The following ALG2 variants were observed in gnomAD, a reference collection of about 807,000 sequenced individuals.
The protein encoded by ALG2 is alpha-1,3/1,6-mannosyltransferase ALG2.
Under a neutral mutation model 30.5 loss-of-function variants are expected in ALG2, and 32 were observed. The ratio of observed to expected loss-of-function variants is 1.05; its 90% CI spans 0.79 to 1.41. The LOEUF is 1.41. Among genes scored for constraint, ALG2 ranks in the 40% most tolerant of loss-of-function variants. ALG2 has a pLI of 0.00. For missense variants in ALG2, 574 were observed against 526.4 expected (o/e 1.09, Z -0.88); for synonymous variants, 253 against 224.8 (o/e 1.13, Z -1.12).
At chr9:99,220,894 A>G (rs1828785254) in intron 1 of ALG2, 2 of 1,267,348 alleles carry the variant, frequency 1.6e-6, no homozygotes, top group Non-Finnish European at 2.1e-6. Context: ...TACTTTTTAA[A>G]GTCATCTTTT....
intron 1 of ALG2, among the ~76,000 whole-genome samples, chr9:99,220,019 AAT>A (rs1479108583): frequency 1.3e-5 from 2 of 152,254 alleles, no homozygotes; most frequent in African/African-American, 4.8e-5. Context: ...CAAAGTTTAA[AAT>A]GGTTAATATC....
At chr9:99,221,285 G>T in intron 1 of ALG2, 1 of 1,021,026 alleles carries the variant, frequency 9.8e-7, no homozygotes, top group East Asian at 2.7e-5. Flanking sequence ...CTATGACCCA[G>T]TTAAAATGCA....
In ALG2 at chr9:99,217,146, G is replaced by A. The variant is rs562312838; in HGVS notation, c.*788C>T. 2.0e-5 allele frequency: 9 copies of A among 454,096 alleles called. No homozygotes were observed. The highest frequency in any genetic ancestry group is 1.4e-4 in the African/African-American group (7 of 50,134). The allele number at this position is 454,096 out of a possible 1,614,324, so 28.1% of individuals were successfully genotyped here. On this transcript the variant is annotated 3_prime_UTR_variant, in exon 2 of 2. Coordinates refer to ENST00000476832, the MANE Select transcript of ALG2 (RefSeq NM_033087.4). ...AACATTTGTGTCCTATACTTAGTAG[G>A]AGCTTGGTCAAGACAACACAAATAT...
At position 99,218,121 on chromosome 9, in the gene ALG2, T is replaced by C. The variant is rs1246812091; in HGVS notation, c.1064A>G (p.His355Arg). ...CTCACACAGAAACCCTGTGACACTGTGGTCAATGGACTCCAAGGGTCCACC... is the reference window on the plus strand; with the variant it reads ...CTCACACAGAAACCCTGTGACACTGCGGTCAATGGACTCCAAGGGTCCACC... ...NSGGPLESID[H>R]SVTGFLCEPD... Residue 355 changes from histidine to arginine, a missense_variant, in exon 2 of 2, where the codon CAC becomes CGC. His to Arg is a conservative substitution (Grantham distance 29, BLOSUM62 0). Coordinates refer to ENST00000476832, the MANE Select transcript of ALG2 (RefSeq NM_033087.4). The C allele has an allele frequency of 6.2e-7, 1 of 1,611,884 alleles. No homozygotes were observed. The highest frequency in any genetic ancestry group is 1.1e-5 in the South Asian group (1 of 90,980).
intron 1 of ALG2, among the ~76,000 whole-genome samples, chr9:99,220,090 G>C (rs950627336): frequency 2.6e-5 from 4 of 152,232 alleles, no homozygotes; most frequent in Admixed American, 1.3e-4. Context: ...GGAGTAAAGT[G>C]ACACAGCCTC....
At chr9:99,221,452 C>T in intron 1 of ALG2, 95 bp downstream of exon 1, 1 of 1,360,084 alleles carries the variant, frequency 7.4e-7, no homozygotes, top group Non-Finnish European at 1.0e-6. Context: ...CTTTGCGAAC[C>T]GCAGACAGGG....
At position 99,221,911 on chromosome 9, in the gene ALG2, C is replaced by G. The variant is rs769347713; in HGVS notation, c.-17G>C. ...CTCCGCCATGGCCCTGGAGCCGCAA[C>G]TGCACCCCGCACCCTGATGGGGGTC... On this transcript the variant is annotated 5_prime_UTR_variant, in exon 1 of 2. Transcript: ENST00000476832. 3.2e-6 allele frequency: 5 copies of G among 1,575,634 alleles called. No homozygotes were observed. The highest frequency in any genetic ancestry group is 3.4e-6 in the Non-Finnish European group (4 of 1,167,976).
Position 99,217,576 on chromosome 9 carries a change from A to C in ALG2, c.*358T>G. 3 of 462,626 alleles carry C rather than the reference A, an allele frequency of 6.5e-6. No individual in the cohort carries two copies. The highest frequency in any genetic ancestry group is 1.3e-5 in the Non-Finnish European group (3 of 232,538). 28.7% of individuals were successfully genotyped at this position (462,626 alleles called of 1,614,324 possible). ...TATGAAGCCAAATTAATCAACTTTG[A>C]TAATGATACACACTTAAACTATGAA... is the stretch of plus-strand genomic sequence containing the variant. On this transcript the variant is annotated 3_prime_UTR_variant, in exon 2 of 2. Coordinates refer to ENST00000476832, the MANE Select transcript of ALG2 (RefSeq NM_033087.4).
rs1179198137 is a variant in ALG2 at position 99,218,693 on chromosome 9, T to G, written c.492A>C (p.Glu164Asp). Residue 164 changes from glutamate to aspartate, a missense_variant, in exon 2 of 2, where the codon GAA becomes GAC. Coordinates refer to ENST00000476832, the MANE Select transcript of ALG2 (RefSeq NM_033087.4). The stretch of plus-strand genomic sequence containing the variant: ...TGCAGTCTGCCATGCCTGTGGTGTA[T>G]TCCTCTATCCAGTCAATTGGGGCCC... Reference protein sequence around the residue: ...LYRAPIDWIEEYTTGMADCIL... With the variant: ...LYRAPIDWIEDYTTGMADCIL... 4 of 1,614,098 alleles carry G rather than the reference T, an allele frequency of 2.5e-6. No individual in the cohort carries two copies. The highest frequency in any genetic ancestry group is 3.4e-6 in the Non-Finnish European group (4 of 1,180,044).
chr9:99,218,291 G>C lies in ALG2; in HGVS notation c.894C>G (p.Thr298=), dbSNP rs758885892. The change falls in exon 2 of 2, where the codon ACC becomes ACG. Residue 298 remains threonine (T), a synonymous_variant. Coordinates refer to ENST00000476832, the MANE Select transcript of ALG2 (RefSeq NM_033087.4). ...GTTTGTCTGAGAAAGACCTCAAGAA[G>C]GTCACATACTGGCCAAGGTCGGACT... ...VQQSDLGQYV[T]FLRSFSDKQK... is the part of the protein sequence containing the mutation. 7 of 1,614,082 alleles carry C rather than the reference G, an allele frequency of 4.3e-6. No homozygotes were observed. Among genetic ancestry groups the C allele is most frequent in the South Asian group, 2.2e-5 (2 of 91,088 alleles).
chr9:99,220,999 T>C (rs1376257961), intron 1 of ALG2: 2 of 1,352,426 alleles, frequency 1.5e-6, no homozygotes, highest in East Asian at 9.1e-5. Context: ...AGCTTGAACT[T>C]TTCTCCAAAA....
At chr9:99,220,377 C>A (rs534105534) in intron 1 of ALG2, among the ~76,000 whole-genome samples, 2 of 152,248 alleles carry the variant, frequency 1.3e-5, no homozygotes, top group South Asian at 2.1e-4. Flanking sequence ...AATATTGATA[C>A]ATAAGAATGT....
rs193069827 is a variant in ALG2, at chr9:99,218,853, T to C, written c.349-17A>G. On this transcript the variant is annotated splice_polypyrimidine_tract_variant and intron_variant, in intron 1 of 1. Coordinates refer to ENST00000476832, the MANE Select transcript of ALG2 (RefSeq NM_033087.4). ...GGCAGACACCTAGCCAAAGCAAAAA[T>C]CAACAGCGGATAAAGTGGTCAACTC... 3.1e-3 allele frequency: 4,890 copies of C among 1,600,674 alleles called. 13 individuals are homozygous for C. Among genetic ancestry groups the C allele is most frequent in the Non-Finnish European group, 3.3e-3 (3,937 of 1,179,874 alleles).
Position 99,217,788 on chromosome 9 carries a change from A to G in ALG2, c.*146T>C, listed in dbSNP as rs566212682. 25 of 851,634 alleles carry G rather than the reference A, an allele frequency of 2.9e-5. No homozygotes were observed. Among genetic ancestry groups the G allele is most frequent in the African/African-American group, 1.5e-4 (9 of 60,024 alleles). The allele number at this position is 851,634 out of a possible 1,614,324, so 52.8% of individuals were successfully genotyped here. On this transcript the variant is annotated 3_prime_UTR_variant, in exon 2 of 2. Coordinates refer to ENST00000476832, the MANE Select transcript of ALG2 (RefSeq NM_033087.4). ...TGAAAAGTGGACAGGGAGGTGTGGTATATAGGAAAGTGGCTCACATTCAAG... is the reference window on the plus strand; with the variant it reads ...TGAAAAGTGGACAGGGAGGTGTGGTGTATAGGAAAGTGGCTCACATTCAAG...
chr9:99,221,087 G>A lies in ALG2; in HGVS notation c.348+460C>T, dbSNP rs368791638. 1.6e-5 allele frequency: 22 copies of A among 1,360,992 alleles called. No homozygotes were observed. The African/African-American group carries it at 2.5e-4, about 15-fold the overall frequency. The allele number at this position is 1,360,992 out of a possible 1,614,324, so 84.3% of individuals were successfully genotyped here. On this transcript the variant is annotated intron_variant, in intron 1 of 1. Transcript: ENST00000476832. ...GGCGTTTTTAACACATGACACTGCT[G>A]AGGACGGTGTGGCCTGGCTCCGAAC...
chr9:99,221,709 C>G lies in ALG2; in HGVS notation c.186G>C (p.Glu62Asp). Residue 62 changes from glutamate (E) to aspartate (D), a missense_variant, in exon 1 of 2, where the codon GAG becomes GAC. By Grantham distance (45) the Glu-to-Asp change is conservative. Transcript: ENST00000476832. ...CACAGCGCACCGGTAGCTCGCGGCT[C>G]TCGGCGAAACAGTGGCCCGGGTCGT... ...AHYDPGHCFA[E>D]SRELPVRCAG... The G allele has an allele frequency of 6.3e-7, 1 of 1,594,286 alleles. No individual in the cohort carries two copies. The highest frequency in any genetic ancestry group is 8.5e-7 in the Non-Finnish European group (1 of 1,177,298).
At chr9:99,221,428 A>G in intron 1 of ALG2, 119 bp downstream of exon 1, 1 of 1,192,536 alleles carries the variant, frequency 8.4e-7, no homozygotes, top group Non-Finnish European at 1.2e-6. Flanking sequence ...TGACTTCTCC[A>G]TGTCAGTTCC....
In ALG2 at chr9:99,217,331, T is replaced by G. The variant is rs1252872018; in HGVS notation, c.*603A>C. 4.4e-6 allele frequency: 2 copies of G among 454,022 alleles called. No homozygotes were observed. The highest frequency in any genetic ancestry group is 8.8e-6 in the Non-Finnish European group (2 of 226,796). The allele number at this position is 454,022 out of a possible 1,614,324, so 28.1% of individuals were successfully genotyped here. A position where few individuals can be genotyped will look rare whatever the true frequency, so the allele number is the denominator to read the frequency against. Reference sequence around the variant, plus strand: ...ATCCATGTTCGTAACAATACCAAAATAGATTATGGAGACCAAAATCTAATA... The same window carrying G: ...ATCCATGTTCGTAACAATACCAAAAGAGATTATGGAGACCAAAATCTAATA... On this transcript the variant is annotated 3_prime_UTR_variant, in exon 2 of 2. Transcript: ENST00000476832.
chr9:99,220,357 G>A (rs1828771149), intron 1 of ALG2, among the ~76,000 whole-genome samples: 1 of 152,194 alleles, frequency 6.6e-6, no homozygotes, highest in African/African-American at 2.4e-5. Flanking sequence ...GAAGAATGAA[G>A]TGAATCTCTA....
Sources: gnomAD v4.1 joint callset for allele counts (sites outside exome capture counted in the v4.1 genomes callset) on GRCh38, gnomAD v4.1.1 for gene constraint, MANE v1.5 for transcripts, NCBI Gene and HGNC (gene_info 2026-07-23, HGNC 2026-07-21) for gene names.